The following AKAIN1 variants were observed in gnomAD, a reference collection of about 807,000 sequenced individuals.
AKAIN1 encodes the protein A-kinase anchor protein inhibitor 1.
A neutral mutation model predicts 3.7 loss-of-function variants in AKAIN1; 3 were observed. The ratio of observed to expected loss-of-function variants is 0.82; its 90% CI spans 0.37 to 2.12. The LOEUF (loss-of-function observed/expected upper bound fraction) is 2.12. Among genes scored for constraint, AKAIN1 ranks in the 30% most tolerant of loss-of-function variants. AKAIN1 has a pLI of 0.06. For missense variants in AKAIN1, 82 were observed against 82.7 expected, an observed-to-expected ratio of 0.99 and a Z score of 0.03; for synonymous variants, 31 against 30.8, an observed-to-expected ratio of 1.01 and a Z score of -0.02.
intron 1 of AKAIN1, among the ~76,000 whole-genome samples, chr18:5,148,311 C>CTT: frequency 6.6e-6 from 1 of 152,214 alleles, no homozygotes; most frequent in Non-Finnish European, 1.5e-5. Context: ...CATCTTACTG[C>CTT]TCTGACCTTT....
At chr18:5,172,969 T>C (rs556469172) in intron 1 of AKAIN1, among the ~76,000 whole-genome samples, 2 of 152,296 alleles carry the variant, frequency 1.3e-5, no homozygotes, top group East Asian at 3.9e-4. Flanking sequence ...AAAAATCTTA[T>C]TTAAACATTG....
At position 5,197,119 on chromosome 18, in the gene AKAIN1, A is replaced by T; in HGVS notation, c.-66T>A. ...GACAGGCAGACGGAGGATGGGAAGA[A>T]GGCCGGACTTGGCGGGGTCCGGTGC... On this transcript the variant is annotated 5_prime_UTR_variant, in exon 1 of 2. Transcript: ENST00000434239. This position sits in a 1 kb window ranked among gnomAD's most constrained non-coding sequence, Gnocchi z 6.9. 6.5e-7 allele frequency: 1 copy of T among 1,548,714 alleles called. No homozygotes were observed. Among genetic ancestry groups the T allele is most frequent in the Non-Finnish European group, 8.7e-7 (1 of 1,146,674 alleles).
At chr18:5,147,243 C>T (rs2071054374) in intron 1 of AKAIN1, among the ~76,000 whole-genome samples, 1 of 152,130 alleles carries the variant, frequency 6.6e-6, no homozygotes, top group African/African-American at 2.4e-5. Context: ...ACCAAGAAGC[C>T]ACCATATCAG....
intron 1 of AKAIN1, among the ~76,000 whole-genome samples, chr18:5,164,068 C>A (rs922874448): frequency 2.0e-5 from 3 of 151,992 alleles, no homozygotes; most frequent in Non-Finnish European, 4.4e-5. Flanking sequence ...TCATAGGTAG[C>A]TCTTACACCT....
chr18:5,172,829 T>A (rs1303598640), intron 1 of AKAIN1, among the ~76,000 whole-genome samples: 1 of 152,052 alleles, frequency 6.6e-6, no homozygotes, highest in Non-Finnish European at 1.5e-5. Context: ...TAAGACTTAA[T>A]ATTAGAATTC....
chr18:5,145,779 GGGAAA>G (rs1167778265), intron 1 of AKAIN1, 24 bp from the exon 2 acceptor site: 2 of 1,536,220 alleles, frequency 1.3e-6, no homozygotes, highest in Admixed American at 4.0e-5. Flanking sequence ...TGAAAAGGAG[GGGAAA>G]AGGAGAGAAA....
In AKAIN1 at chr18:5,181,925, A is replaced by T. The variant is rs185536908; in HGVS notation, c.16+15113T>A. Among the ~76,000 whole-genome samples the T allele has an allele frequency of 2.6e-5, 4 of 152,284 alleles. No homozygotes were observed. The East Asian group carries it at 7.7e-4, about 29-fold the overall frequency. ...ACCTAAGTAATGAAGTATTAAAAAC[A>T]TAATGCACTATACCCTCACCAGAAA... On this transcript the variant is annotated intron_variant, in intron 1 of 1. Transcript: ENST00000434239.
intron 1 of AKAIN1, among the ~76,000 whole-genome samples, chr18:5,191,853 T>C (rs1879365296): frequency 6.6e-6 from 1 of 152,198 alleles, no homozygotes; most frequent in South Asian, 2.1e-4. Flanking sequence ...TGACTAGGAC[T>C]CACGTCTAAA....
chr18:5,193,076 G>C (rs1211703605), intron 1 of AKAIN1, among the ~76,000 whole-genome samples: 1 of 152,138 alleles, frequency 6.6e-6, no homozygotes, highest in African/African-American at 2.4e-5. Context: ...AATGTGTCAG[G>C]AATTTGTTAA....
intron 1 of AKAIN1, among the ~76,000 whole-genome samples, chr18:5,192,377 A>G (rs1395949037): frequency 2.2e-5 from 3 of 136,660 alleles, no homozygotes; most frequent in Non-Finnish European, 4.8e-5. Flanking sequence ...GCAACCACAC[A>G]GAGCTAATTT....
At chr18:5,192,005 C>A (rs1311096954) in intron 1 of AKAIN1, among the ~76,000 whole-genome samples, 2 of 152,078 alleles carry the variant, frequency 1.3e-5, no homozygotes. Context: ...GTGCATCAAA[C>A]AATGTTTGTG....
intron 1 of AKAIN1, among the ~76,000 whole-genome samples, chr18:5,175,724 T>G (rs978647879): frequency 1.3e-5 from 2 of 152,190 alleles, no homozygotes; most frequent in African/African-American, 4.8e-5. Context: ...TTTTAGTGAT[T>G]CAGCATATGA....
In AKAIN1 at chr18:5,164,001, G is replaced by A. The variant is rs1003641290; in HGVS notation, c.17-18246C>T. On this transcript the variant is annotated intron_variant, in intron 1 of 1. Transcript: ENST00000434239. Reference sequence around the variant, plus strand: ...TATTATGCCTTTGTAGAAAACTGGCGGAAGGGTGTACTTCTATCAAGTGAA... The same window carrying A: ...TATTATGCCTTTGTAGAAAACTGGCAGAAGGGTGTACTTCTATCAAGTGAA... Among the ~76,000 whole-genome samples the A allele has an allele frequency of 4.6e-5, 7 of 151,854 alleles. No individual in the cohort carries two copies. The East Asian group carries it at 7.7e-4, about 17-fold the overall frequency.
chr18:5,153,713 T>G (rs149816864), intron 1 of AKAIN1, among the ~76,000 whole-genome samples: 335 of 152,364 alleles, frequency 2.2e-3, no homozygotes, highest in African/African-American at 7.7e-3. Flanking sequence ...CAACTCTGTA[T>G]GATAGATACT....
chr18:5,196,691 T>C (rs1309267062), intron 1 of AKAIN1, among the ~76,000 whole-genome samples: 3 of 152,198 alleles, frequency 2.0e-5, no homozygotes, highest in African/African-American at 7.2e-5. Flanking sequence ...CACTACTCTT[T>C]GCCCCACCTC....
Position 5,145,678 on chromosome 18 carries a change from G to C in AKAIN1, c.94C>G (p.Gln32Glu), listed in dbSNP as rs1243014998. 4 of 1,551,666 alleles carry C rather than the reference G, an allele frequency of 2.6e-6. No homozygotes were observed. Among genetic ancestry groups the C allele is most frequent in the East Asian group, 2.4e-5 (1 of 40,922 alleles). ...TCCTGGGAGACTTGCTGCACAGCTT[G>C]CAGGATTGCATTCTGCACAATCTGT... ...SKQIVQNAIL[Q>E]AVQQVSQESQ... Residue 32 changes from glutamine to glutamate, a missense_variant, in exon 2 of 2, where the codon CAA becomes GAA. Physicochemically the swap from Gln to Glu is conservative, Grantham distance 29 (BLOSUM62 2). Transcript: ENST00000434239.
rs2071040093 is a variant in AKAIN1, at chr18:5,144,959, T to C, written c.*603A>G. On this transcript the variant is annotated 3_prime_UTR_variant, in exon 2 of 2. Coordinates refer to ENST00000434239, the MANE Select transcript of AKAIN1 (RefSeq NM_001145194.2). ...GAGAATTGAGACTAAAAGACTGAGT[T>C]CTTGAGAAACTTAAACTCCTCCCTT... Among the ~76,000 whole-genome samples the C allele has an allele frequency of 6.6e-6, 1 of 152,222 alleles. No homozygotes were observed. Among genetic ancestry groups the C allele is most frequent in the Non-Finnish European group, 1.5e-5 (1 of 68,034 alleles).
At chr18:5,171,629 C>T (rs543860201) in intron 1 of AKAIN1, among the ~76,000 whole-genome samples, 1 of 152,236 alleles carries the variant, frequency 6.6e-6, no homozygotes, top group Admixed American at 6.5e-5. Context: ...CAAATCAAAA[C>T]TACAATGAAA....
chr18:5,169,187 C>A (rs2071183949), intron 1 of AKAIN1, among the ~76,000 whole-genome samples: 1 of 152,018 alleles, frequency 6.6e-6, no homozygotes, highest in South Asian at 2.1e-4. Context: ...ATTGGGAAAC[C>A]TCGGTCTTTG....
Sources: gnomAD v4.1 joint callset for allele counts (sites outside exome capture counted in the v4.1 genomes callset) on GRCh38, gnomAD v4.1.1 for gene constraint, Gnocchi (gnomAD v3.1) non-coding constraint, MANE v1.5 for transcripts, NCBI Gene and HGNC (gene_info 2026-07-23, HGNC 2026-07-21) for gene names.